ANKRD44: variants seen among roughly 807,000 people sequenced by gnomAD.
ANKRD44 encodes the protein ankyrin repeat domain 44.
ANKRD44 carries 35 observed loss-of-function variants against 116.0 expected under a neutral mutation model. The observed-to-expected ratio is 0.30, with a 90% confidence interval of 0.23 to 0.40. The LOEUF is 0.40. Ranked by LOEUF, ANKRD44 falls within the 10% of genes least tolerant of loss-of-function variation. ANKRD44 has a pLI of 1.00. For missense variants in ANKRD44, 1,014 were observed against 1,242.6 expected, an observed-to-expected ratio of 0.82 and a Z score of 2.77; for synonymous variants, 435 against 461.8, an observed-to-expected ratio of 0.94 and a Z score of 0.74.
chr2:197,149,712 T>G (rs1235438159), intron 2 of ANKRD44, among the ~76,000 whole-genome samples: 1 of 152,190 alleles, frequency 6.6e-6, no homozygotes, highest in Non-Finnish European at 1.5e-5. Flanking sequence ...GACCAAGGGT[T>G]GCTAACGTCT....
intron 17 of ANKRD44, chr2:197,015,127 C>G (rs756808830): frequency 1.7e-5 from 4 of 240,842 alleles, no homozygotes; most frequent in Non-Finnish European, 3.4e-5. Flanking sequence ...GTTCCAGGGG[C>G]TTTGGTTTTG....
chr2:197,275,517 T>C (rs992619883), intron 1 of ANKRD44, among the ~76,000 whole-genome samples: 2 of 151,598 alleles, frequency 1.3e-5, no homozygotes, highest in African/African-American at 4.8e-5. Context: ...ATTCAAAGAC[T>C]GGTAGTTCAT....
At chr2:197,003,158 A>G (rs2076143738) in intron 21 of ANKRD44, among the ~76,000 whole-genome samples, 2 of 151,882 alleles carry the variant, frequency 1.3e-5, no homozygotes, top group African/African-American at 4.8e-5. Context: ...AATACCAAAA[A>G]AAAAAAAAGA....
At chr2:197,071,435 A>C (rs1178619165) in intron 16 of ANKRD44, among the ~76,000 whole-genome samples, 1 of 152,054 alleles carries the variant, frequency 6.6e-6, no homozygotes, top group Non-Finnish European at 1.5e-5. Context: ...ATTTCTCTTG[A>C]GGCTTTCCTT....
At chr2:197,132,071 C>T (rs191099265) in intron 4 of ANKRD44, among the ~76,000 whole-genome samples, 91 of 152,290 alleles carry the variant, frequency 6.0e-4, no homozygotes, top group African/African-American at 2.1e-3. Context: ...TAGTAAGAGC[C>T]TCTCTTCATT....
intron 4 of ANKRD44, among the ~76,000 whole-genome samples, chr2:197,129,057 T>TA (rs1205734109): frequency 6.6e-6 from 1 of 152,092 alleles, no homozygotes; most frequent in Non-Finnish European, 1.5e-5. Context: ...TCACAACAGA[T>TA]AAGATAAAAG....
At chr2:197,149,955 G>C (rs544382069) in intron 2 of ANKRD44, among the ~76,000 whole-genome samples, 2 of 152,274 alleles carry the variant, frequency 1.3e-5, no homozygotes, top group African/African-American at 4.8e-5. Flanking sequence ...GTTAAAATGG[G>C]TTCTAGCCCA....
At chr2:197,197,543 G>A (rs964789129) in intron 1 of ANKRD44, among the ~76,000 whole-genome samples, 10 of 152,108 alleles carry the variant, frequency 6.6e-5, no homozygotes, top group Admixed American at 6.5e-4. Flanking sequence ...GGGCGCAGTA[G>A]CTCATGCTTG....
rs141785510 is a variant in ANKRD44, at chr2:197,007,878, A to G, written c.2058T>C (p.Val686=). The change falls in exon 20 of 28, where the codon GTT becomes GTC. Residue 686 remains valine (V), a synonymous_variant. Transcript: ENST00000282272. ...TGGCTTCCTTTTCAAGTAACAATGA[A>G]ACAGCGTCAATATGTCCATATGCTA... The part of the protein sequence containing the change: ...LAVAYGHIDA[V]SLLLEKEANV... 1,073 of 1,614,080 alleles carry G rather than the reference A, an allele frequency of 6.6e-4. No homozygotes were observed. Among genetic ancestry groups the G allele is most frequent in the Non-Finnish European group, 8.2e-4 (971 of 1,179,972 alleles).
At chr2:197,217,904 C>A (rs575633901) in intron 1 of ANKRD44, among the ~76,000 whole-genome samples, 2 of 152,234 alleles carry the variant, frequency 1.3e-5, no homozygotes, top group South Asian at 4.1e-4. Flanking sequence ...AATTGGCCCC[C>A]AAGGAAAGAA....
intron 1 of ANKRD44, among the ~76,000 whole-genome samples, chr2:197,197,809 C>CAAAAAAAAA (rs199994103): frequency 2.3e-4 from 26 of 114,162 alleles, no homozygotes; most frequent in African/African-American, 7.5e-4. Flanking sequence ...AATCCTGTCT[C>CAAAAAAAAA]AAAAAAAAAA....
chr2:197,215,113 T>A (rs2081416370), intron 1 of ANKRD44, among the ~76,000 whole-genome samples: 1 of 152,208 alleles, frequency 6.6e-6, no homozygotes, highest in Non-Finnish European at 1.5e-5. Flanking sequence ...TGGCCTCACA[T>A]GATCCTCCCG....
At chr2:197,224,801 A>G (rs1327320164) in intron 1 of ANKRD44, among the ~76,000 whole-genome samples, 1 of 152,212 alleles carries the variant, frequency 6.6e-6, no homozygotes, top group Non-Finnish European at 1.5e-5. Context: ...TTGTTTCTAA[A>G]GCACCTCTTT....
chr2:197,277,591 G>A (rs1301594580), intron 1 of ANKRD44, among the ~76,000 whole-genome samples: 1 of 152,074 alleles, frequency 6.6e-6, no homozygotes, highest in Non-Finnish European at 1.5e-5. Flanking sequence ...GAATAATGAG[G>A]CCTAAAGAAG....
intron 16 of ANKRD44, among the ~76,000 whole-genome samples, chr2:197,051,564 G>A (rs956997290): frequency 7.2e-5 from 11 of 152,190 alleles, no homozygotes; most frequent in Admixed American, 3.3e-4. Context: ...CACACACCCA[G>A]CTTATTTTTT....
At chr2:197,234,453 C>T (rs2081936301) in intron 1 of ANKRD44, among the ~76,000 whole-genome samples, 1 of 152,230 alleles carries the variant, frequency 6.6e-6, no homozygotes, top group Non-Finnish European at 1.5e-5. Context: ...CGGCCTCACA[C>T]AGTGCTGGGA....
chr2:197,161,016 C>G (rs1383089928), intron 2 of ANKRD44, among the ~76,000 whole-genome samples: 2 of 152,108 alleles, frequency 1.3e-5, no homozygotes, highest in African/African-American at 4.8e-5. Context: ...ACCAGGGGGT[C>G]GCTTTCTGTA....
chr2:197,309,816 G>GGC (rs1053089071), intron 1 of ANKRD44, among the ~76,000 whole-genome samples: 1 of 152,124 alleles, frequency 6.6e-6, no homozygotes, highest in Admixed American at 6.5e-5. Context: ...ACAGACCTGC[G>GGC]GCGAGGACTG....
At position 197,005,862 on chromosome 2, in the gene ANKRD44, C is replaced by CT; in HGVS notation, c.2178dup (p.Val727SerfsTer6). The CT allele has an allele frequency of 6.2e-7, 1 of 1,614,294 alleles. No homozygotes were observed. On this transcript the variant is annotated frameshift_variant, in exon 21 of 28. Coordinates refer to ENST00000282272, the MANE Select transcript of ANKRD44 (RefSeq NM_001195144.2). LOFTEE classifies it high-confidence loss of function. ...CTGGAATCTTTACAGAGAATTGACA[C>CT]TTCTTGTTCCAGCAGCATTTGCACA...
Sources: gnomAD v4.1 joint callset for allele counts (sites outside exome capture counted in the v4.1 genomes callset) on GRCh38, gnomAD v4.1.1 for gene constraint, MANE v1.5 for transcripts, NCBI Gene and HGNC (gene_info 2026-07-23, HGNC 2026-07-21) for gene names.